Variants in ARSG observed in about 807,000 individuals in gnomAD.
ARSG encodes ASG.
In ARSG, 37 loss-of-function variants were observed where a neutral mutation model predicts 50.5. That is an observed-to-expected ratio of 0.73 (90% CI 0.56 to 0.96). ARSG has a LOEUF of 0.96. Among genes scored for constraint, ARSG ranks in the 50% least tolerant of loss-of-function variants. The pLI is 0.00. For missense variants in ARSG, 629 were observed against 675.3 expected, an observed-to-expected ratio of 0.93 and a Z score of 0.76; for synonymous variants, 225 against 254.6, an observed-to-expected ratio of 0.88 and a Z score of 1.11.
chr17:68,434,408 G>T, the ARSG span: 3 of 721,662 alleles, frequency 4.2e-6, no homozygotes, highest in African/African-American at 1.8e-5. Context: ...GTAAAGCCTG[G>T]GAGTCAATTA....
At chr17:68,304,649 T>C (rs1243869478) in intron 1 of ARSG, among the ~76,000 whole-genome samples, 2 of 152,200 alleles carry the variant, frequency 1.3e-5, no homozygotes, top group Non-Finnish European at 1.5e-5. Context: ...TTTAATCTGC[T>C]CCATACACTG....
At chr17:68,433,333 C>A in the ARSG span, 1 of 845,440 alleles carries the variant, frequency 1.2e-6, no homozygotes, top group South Asian at 1.6e-5. Context: ...AACACACACT[C>A]CATCACTTAG....
At chr17:68,324,571 A>G (rs1279543515) in intron 2 of ARSG, among the ~76,000 whole-genome samples, 2 of 152,156 alleles carry the variant, frequency 1.3e-5, no homozygotes. Context: ...TCCTCCCTGT[A>G]GGGGTCTGCA....
intron 1 of ARSG, chr17:68,268,722 A>G (rs2075230912): frequency 5.3e-6 from 1 of 189,586 alleles, no homozygotes; most frequent in South Asian, 1.1e-4. Context: ...AGAAAAAAAG[A>G]AAATCATTTA....
chr17:68,334,687 A>G (rs530090329), intron 2 of ARSG, among the ~76,000 whole-genome samples: 3 of 152,106 alleles, frequency 2.0e-5, no homozygotes, highest in South Asian at 4.2e-4. Flanking sequence ...CCTTGCTCCT[A>G]TGGCGGACAT....
chr17:68,369,867 G>A (rs956889768), intron 7 of ARSG, among the ~76,000 whole-genome samples: 3 of 152,178 alleles, frequency 2.0e-5, no homozygotes, highest in Non-Finnish European at 4.4e-5. Flanking sequence ...GAGGAAGGAA[G>A]AGGAGGAAAG....
At chr17:68,383,672 G>A (rs1379797917) in intron 8 of ARSG, among the ~76,000 whole-genome samples, 2 of 152,180 alleles carry the variant, frequency 1.3e-5, no homozygotes, top group African/African-American at 2.4e-5. Context: ...CCAAAGCCAC[G>A]TGGAAATGCG....
intron 2 of ARSG, among the ~76,000 whole-genome samples, chr17:68,317,306 A>C (rs541286147): frequency 2.0e-4 from 31 of 152,310 alleles, no homozygotes; most frequent in African/African-American, 6.5e-4. Context: ...GTCAAAGAGC[A>C]TTCATGTCAC....
downstream of ARSG, chr17:68,427,184 A>G (rs767664478): frequency 2.3e-5 from 37 of 1,614,084 alleles, no homozygotes; most frequent in South Asian, 2.0e-4. Flanking sequence ...CGGTCGCTGC[A>G]TAAGACTGAG....
intron 1 of ARSG, among the ~76,000 whole-genome samples, chr17:68,292,872 G>A (rs1555756788): frequency 6.6e-6 from 1 of 152,184 alleles, no homozygotes; most frequent in East Asian, 1.9e-4. Context: ...TTGCAACCTT[G>A]TAGGCGTAAT....
In ARSG at chr17:68,367,608, A is replaced by G. The variant is rs1268511875; in HGVS notation, c.705-940A>G. On this transcript the variant is annotated intron_variant, in intron 6 of 11. Transcript: ENST00000621439. This position sits in a 1 kb window ranked among gnomAD's most constrained non-coding sequence, Gnocchi z 4.5. ...GGGACCTTTGCTTGGAAGCCACGCC[A>G]GCTCCCTCCAAGCCTTTCATTCTGC... Among the ~76,000 whole-genome samples the G allele has an allele frequency of 1.3e-5, 2 of 152,188 alleles. No homozygotes were observed. Among genetic ancestry groups the G allele is most frequent in the Non-Finnish European group, 2.9e-5 (2 of 68,032 alleles).
chr17:68,273,424 T>C (rs6501343), intron 1 of ARSG, among the ~76,000 whole-genome samples: 30,803 of 152,066 alleles, frequency 0.2, 3,204 homozygotes, highest in Middle Eastern at 0.28. Context: ...TCTCCCTATG[T>C]TGCCCCAGTT....
At chr17:68,449,794 C>T in the ARSG span, among the ~76,000 whole-genome samples, 37 of 152,278 alleles carry the variant, frequency 2.4e-4, no homozygotes, top group Non-Finnish European at 4.4e-4. Context: ...ACCCAATCTC[C>T]GGTAGTTCTT....
the ARSG span, among the ~76,000 whole-genome samples, chr17:68,431,314 C>T: frequency 6.6e-6 from 1 of 152,180 alleles, no homozygotes; most frequent in Non-Finnish European, 1.5e-5. Flanking sequence ...CAGGAATCAT[C>T]ATCACAACCT....
chr17:68,294,119 C>T (rs1173936335), intron 1 of ARSG, among the ~76,000 whole-genome samples: 3 of 152,152 alleles, frequency 2.0e-5, no homozygotes, highest in African/African-American at 7.2e-5. Context: ...GGGCTCAGCT[C>T]CCCTCTTAGC....
At chr17:68,288,552 C>T (rs1034746852), upstream of ARSG, among the ~76,000 whole-genome samples, 1 of 152,152 alleles carries the variant, frequency 6.6e-6, no homozygotes, top group Admixed American at 6.5e-5. Context: ...CCCTGCTTTA[C>T]GGATGATGGA....
chr17:68,274,751 T>C (rs2075455904), intron 1 of ARSG, among the ~76,000 whole-genome samples: 1 of 151,498 alleles, frequency 6.6e-6, no homozygotes, highest in Non-Finnish European at 1.5e-5. Context: ...TTTAAAAAGC[T>C]CCATTTGGGG....
At chr17:68,396,263 C>T (rs768292081) in intron 10 of ARSG, among the ~76,000 whole-genome samples, 3 of 152,092 alleles carry the variant, frequency 2.0e-5, no homozygotes, top group African/African-American at 7.2e-5. Flanking sequence ...GTGATCAGCC[C>T]GCCTTGGTCT....
Position 68,277,351 on chromosome 17 carries a change from C to T in ARSG, c.-552+17925C>T, listed in dbSNP as rs782619712. Among the ~76,000 whole-genome samples, 7 of 151,904 alleles carry T rather than the reference C, an allele frequency of 4.6e-5. 1 individual carries two copies. Among genetic ancestry groups the T allele is most frequent in the East Asian group, 3.9e-4 (2 of 5,184 alleles). On this transcript the variant is annotated intron_variant, in intron 1 of 11. Coordinates refer to the ARSG transcript ENST00000448504. ...TTCACTATGTTGGTCAGGCTGGTCT[C>T]GAATTCCTGACCTCGTGATCCACCT...
Sources: allele counts gnomAD v4.1 joint callset (sites outside exome capture counted in the v4.1 genomes callset), GRCh38; gene constraint gnomAD v4.1.1; non-coding constraint Gnocchi (gnomAD v3.1); transcripts MANE v1.5; gene names NCBI Gene and HGNC (gene_info 2026-07-23, HGNC 2026-07-21).